Variants in GSDMA observed in about 807,000 individuals in gnomAD.
GSDMA encodes the protein gasdermin-A.
Under a neutral mutation model 54.3 loss-of-function variants are expected in GSDMA, and 55 were observed. The observed-to-expected ratio is 1.01, with a 90% CI of 0.82 to 1.27. The LOEUF (loss-of-function observed/expected upper bound fraction) is 1.27, where lower values mean the gene tolerates loss of function less well. GSDMA is among the 50% of genes most tolerant of loss of function. GSDMA has a pLI of 0.00. For missense variants in GSDMA, 542 were observed against 542.6 expected, an observed-to-expected ratio of 1.00 and a Z score of 0.01; for synonymous variants, 211 against 224.7, an observed-to-expected ratio of 0.94 and a Z score of 0.54.
chr17:39,976,423 C>T (rs1172067560), intron 11 of GSDMA, among the ~76,000 whole-genome samples: 5 of 152,022 alleles, frequency 3.3e-5, no homozygotes, highest in East Asian at 1.9e-4. Context: ...GGATTACAGG[C>T]GCCCACCACC....
rs62066850 is a variant in GSDMA, at chr17:39,970,011, G to C, written c.393-471G>C. Among the ~76,000 whole-genome samples, 62 of 152,170 alleles carry C rather than the reference G, an allele frequency of 4.1e-4. 1 individual carries two copies. The East Asian group carries it at 0.012, about 29-fold the overall frequency. Reference sequence around the variant, plus strand: ...AGACAGAAGGAGCAAGTGGAGAGGAGGAACTGGTGTTAACAGCAAGAGAGA... The same window carrying C: ...AGACAGAAGGAGCAAGTGGAGAGGACGAACTGGTGTTAACAGCAAGAGAGA... On this transcript the variant is annotated intron_variant, in intron 3 of 11. Coordinates refer to ENST00000301659, the MANE Select transcript of GSDMA (RefSeq NM_178171.5).
At position 39,974,895 on chromosome 17, in the gene GSDMA, C is replaced by T. The variant is rs759579933; in HGVS notation, c.907-5C>T. 1.4e-5 allele frequency: 22 copies of T among 1,565,028 alleles called. No homozygotes were observed. In the East Asian group the frequency reaches 3.1e-4, roughly 22 times the overall value. On this transcript the variant is annotated splice_polypyrimidine_tract_variant and splice_region_variant and intron_variant, in intron 9 of 11. Transcript: ENST00000301659. The stretch of plus-strand genomic sequence containing the variant: ...TCTTCAATAGTCGCCCACCTTCCCC[C>T]ACAGCTTGAAGGGGCTCTAGACAAG...
chr17:39,969,517 T>A (rs938653308), intron 3 of GSDMA, among the ~76,000 whole-genome samples: 1 of 152,010 alleles, frequency 6.6e-6, no homozygotes, highest in Non-Finnish European at 1.5e-5. Context: ...GAACTAGAAG[T>A]ACTGGAGTTG....
In GSDMA at chr17:39,965,634, G is replaced by A. The variant is rs2144783523; in HGVS notation, c.-5-49G>A. On this transcript the variant is annotated intron_variant, in intron 1 of 11. Coordinates refer to ENST00000301659, the MANE Select transcript of GSDMA (RefSeq NM_178171.5). ...CCCAGCCTATATCCCGGGCTCCTTG[G>A]CAGCCTTGGCAGCCACCTTGACACT... 2.1e-6 allele frequency: 3 copies of A among 1,456,944 alleles called. No individual in the cohort carries two copies. The South Asian group carries it at 3.6e-5, about 18-fold the overall frequency. 90.3% of individuals were successfully genotyped at this position (1,456,944 alleles called of 1,614,324 possible).
In GSDMA at chr17:39,976,815, G is replaced by A; in HGVS notation, c.1096-1G>A. 6.2e-7 allele frequency: 1 copy of A among 1,614,000 alleles called. No individual in the cohort carries two copies. The highest frequency in any genetic ancestry group is 8.5e-7 in the Non-Finnish European group (1 of 1,179,876). On this transcript the variant is annotated splice_acceptor_variant, in intron 11 of 11. Transcript: ENST00000301659. LOFTEE classifies it high-confidence loss of function. ...TTTCATGCTGTTTTGATTCCCTCCA[G>A]GTGGAGAGCACGATGGAACAGAACT... is the stretch of plus-strand genomic sequence containing the variant.
At chr17:39,975,514 G>T (rs574749700) in intron 10 of GSDMA, among the ~76,000 whole-genome samples, 2 of 152,164 alleles carry the variant, frequency 1.3e-5, no homozygotes, top group East Asian at 3.9e-4. Flanking sequence ...TGAGAAGACA[G>T]CCTAGTCTTG....
intron 10 of GSDMA, among the ~76,000 whole-genome samples, chr17:39,975,247 G>A (rs1433305343): frequency 1.3e-5 from 2 of 152,086 alleles, no homozygotes; most frequent in Non-Finnish European, 2.9e-5. Flanking sequence ...TCAAGAGTTC[G>A]AGATCAGCCT....
intron 6 of GSDMA, 141 bp from the exon 7 acceptor site, chr17:39,972,446 C>T (rs901603017): frequency 2.2e-5 from 18 of 802,852 alleles, no homozygotes; most frequent in East Asian, 8.0e-5. Context: ...AGTGTGTTCC[C>T]GAATCATGGG....
At position 39,964,724 on chromosome 17, in the gene GSDMA, G is replaced by C. The variant is rs958018649; in HGVS notation, c.-5-959G>C. On this transcript the variant is annotated intron_variant, in intron 1 of 11. Coordinates refer to ENST00000301659, the MANE Select transcript of GSDMA (RefSeq NM_178171.5). Reference sequence around the variant, plus strand: ...GCAACTGGGGCAGGTGAACAGCTTGGCCACCCAGGCTCTTGTTGCCAGCAG... The same window carrying C: ...GCAACTGGGGCAGGTGAACAGCTTGCCCACCCAGGCTCTTGTTGCCAGCAG... Among the ~76,000 whole-genome samples the C allele has an allele frequency of 2.6e-5, 4 of 152,290 alleles. No homozygotes were observed. In the South Asian group the frequency reaches 8.3e-4, roughly 32 times the overall value.
In GSDMA at chr17:39,974,333, T is replaced by G; in HGVS notation, c.812T>G (p.Val271Gly). 1 of 1,609,692 alleles carries G rather than the reference T, an allele frequency of 6.2e-7. No individual in the cohort carries two copies. The highest frequency in any genetic ancestry group is 1.3e-5 in the African/African-American group (1 of 74,936). The change falls in exon 9 of 12, where the codon GTG becomes GGG. Residue 271 changes from valine to glycine, a missense_variant. Val to Gly is a moderately radical substitution (Grantham distance 109). Coordinates refer to ENST00000301659, the MANE Select transcript of GSDMA (RefSeq NM_178171.5). ...GAAGTTCAGAGAGAGACCCAACAAG[T>G]GGAGAAGCTGAGCCGAGTAGGGCAA... is the stretch of plus-strand genomic sequence containing the variant. ...KEEVQRETQQVEKLSRVGQSS... is the reference protein window; with the variant it reads ...KEEVQRETQQGEKLSRVGQSS...
chr17:39,964,639 C>T (rs1979554143), intron 1 of GSDMA, among the ~76,000 whole-genome samples: 1 of 151,990 alleles, frequency 6.6e-6, no homozygotes, highest in Admixed American at 6.6e-5. Context: ...TGTACTCATA[C>T]CTGTGGCACG....
At chr17:39,973,160 A>T (rs1980037455) in intron 7 of GSDMA, among the ~76,000 whole-genome samples, 1 of 151,808 alleles carries the variant, frequency 6.6e-6, no homozygotes, top group East Asian at 1.9e-4. Flanking sequence ...TTTAGTAGAG[A>T]TGGGGTTTCA....
rs760500210 is a variant in GSDMA, at chr17:39,977,107, G to A, written c.*49G>A. On this transcript the variant is annotated 3_prime_UTR_variant, in exon 12 of 12. Transcript: ENST00000301659. ...GACTCCCTAATGCCTTCCCAACCTC[G>A]TGGTGCTGTGTCCTTACCACCTAAG... 6.2e-6 allele frequency: 10 copies of A among 1,601,078 alleles called. No individual in the cohort carries two copies. Among genetic ancestry groups the A allele is most frequent in the South Asian group, 4.5e-5 (4 of 89,574 alleles).
At chr17:39,965,259 A>AGG (rs754962561) in intron 1 of GSDMA, among the ~76,000 whole-genome samples, 20,287 of 121,758 alleles carry the variant, frequency 0.17, 2,806 homozygotes, top group African/African-American at 0.35. Context: ...GGAGGGAGGG[A>AGG]GAGAAAGAAA....
At position 39,972,570 on chromosome 17, in the gene GSDMA, A is replaced by AT. The variant is rs1342449904; in HGVS notation, c.704-11dup. ...ATGGGTTTTGTGCTGACAGATGTGC[A>AT]TTTTTTCTGTCTTCAGAAAAGTCAG... On this transcript the variant is annotated splice_polypyrimidine_tract_variant and intron_variant, in intron 6 of 11. Transcript: ENST00000301659. The AT allele has an allele frequency of 6.2e-7, 1 of 1,612,158 alleles. No individual in the cohort carries two copies. The highest frequency in any genetic ancestry group is 8.5e-7 in the Non-Finnish European group (1 of 1,179,076).
chr17:39,970,677 AC>A, intron 4 of GSDMA, 30 bp downstream of exon 4: 1 of 828,516 alleles, frequency 1.2e-6, no homozygotes, highest in Non-Finnish European at 1.7e-6. Context: ...ACACACACAC[AC>A]ACACACTCTC....
In GSDMA at chr17:39,976,854, A is replaced by G. The variant is rs750271210; in HGVS notation, c.1134A>G (p.Lys378=). ...STMEQNFLLD[K]EGVFPLQPEL... ...TGGAACAGAACTTCCTGCTGGATAA[A>G]GAGGGTGTTTTCCCCCTGCAACCTG... Residue 378 remains lysine (K), a synonymous_variant, in exon 12 of 12, where the codon AAA becomes AAG. Transcript: ENST00000301659. 1 of 1,613,996 alleles carries G rather than the reference A, an allele frequency of 6.2e-7. No homozygotes were observed. The highest frequency in any genetic ancestry group is 8.5e-7 in the Non-Finnish European group (1 of 1,179,870).
intron 7 of GSDMA, 23 bp from the exon 8 acceptor site, chr17:39,973,785 CTT>C: frequency 1.4e-6 from 2 of 1,454,902 alleles, no homozygotes; most frequent in Non-Finnish European, 1.9e-6. Flanking sequence ...GCATTCTTAT[CTT>C]TTTTTTTTCC....
chr17:39,971,053 A>G (rs1430323396), intron 4 of GSDMA, among the ~76,000 whole-genome samples: 2 of 152,232 alleles, frequency 1.3e-5, no homozygotes, highest in Non-Finnish European at 2.9e-5. Context: ...GAAATAAGGA[A>G]TGGTCTCCAT....
Sources: allele counts gnomAD v4.1 joint callset (sites outside exome capture counted in the v4.1 genomes callset), GRCh38; gene constraint gnomAD v4.1.1; transcripts MANE v1.5; gene names NCBI Gene and HGNC (gene_info 2026-07-23, HGNC 2026-07-21).